The following CACNA2D3 variants were observed in gnomAD, a reference collection of about 807,000 sequenced individuals.
The protein encoded by CACNA2D3 is calcium voltage-gated channel auxiliary subunit alpha2delta 3.
In CACNA2D3, 60 loss-of-function variants were observed where a neutral mutation model predicts 160.6. The ratio of observed to expected loss-of-function variants is 0.37; its 90% CI spans 0.30 to 0.46. The LOEUF (loss-of-function observed/expected upper bound fraction) is 0.46, where lower values mean the gene tolerates loss of function less well. Among genes scored for constraint, CACNA2D3 ranks in the 20% least tolerant of loss-of-function variants. The probability of loss-of-function intolerance (pLI) is 1.00; values close to 1 mark genes in which losing one functional copy is unlikely to be tolerated. For missense variants in CACNA2D3, 1,205 were observed against 1,365.0 expected (o/e 0.88, Z 1.85); for synonymous variants, 558 against 492.9 (o/e 1.13, Z -1.75).
intron 4 of CACNA2D3, among the ~76,000 whole-genome samples, chr3:54,391,937 T>A (rs1333559747): frequency 6.6e-6 from 1 of 152,176 alleles, no homozygotes; most frequent in Non-Finnish European, 1.5e-5. Flanking sequence ...GATATCTTCA[T>A]TGGGTCAATT....
chr3:54,769,173 C>G (rs1371276175), intron 13 of CACNA2D3, among the ~76,000 whole-genome samples: 1 of 152,072 alleles, frequency 6.6e-6, no homozygotes, highest in Non-Finnish European at 1.5e-5. Flanking sequence ...TCTGCAGAGT[C>G]TAAATTCTGA....
chr3:54,567,691 A>C (rs894957108), intron 6 of CACNA2D3, among the ~76,000 whole-genome samples: 1 of 152,126 alleles, frequency 6.6e-6, no homozygotes, highest in African/African-American at 2.4e-5. Flanking sequence ...GCCTGCCACC[A>C]CACCTGGCTA....
intron 11 of CACNA2D3, among the ~76,000 whole-genome samples, chr3:54,660,152 T>C (rs1428801576): frequency 3.3e-5 from 5 of 151,620 alleles, no homozygotes; most frequent in Non-Finnish European, 4.4e-5. Context: ...TCTTTTTTTT[T>C]TTTTCTTTTT....
chr3:54,453,308 G>A (rs773709457), intron 4 of CACNA2D3, among the ~76,000 whole-genome samples: 2 of 152,094 alleles, frequency 1.3e-5, no homozygotes, highest in African/African-American at 2.4e-5. Context: ...TTCTTATAAG[G>A]ACAGCGGTTA....
intron 5 of CACNA2D3, among the ~76,000 whole-genome samples, chr3:54,561,999 T>C (rs1194340513): frequency 6.6e-6 from 1 of 152,170 alleles, no homozygotes; most frequent in Non-Finnish European, 1.5e-5. Flanking sequence ...GTGAGACTTA[T>C]TCGCTATCAT....
Position 54,555,175 on chromosome 3 carries a change from C to T in CACNA2D3, c.545-7625C>T, listed in dbSNP as rs144234422. 5.3e-5 allele frequency among the ~76,000 whole-genome samples: 8 copies of T among 152,238 alleles called. No individual in the cohort carries two copies. In the East Asian group the frequency reaches 1.5e-3, roughly 29 times the overall value. On this transcript the variant is annotated intron_variant, in intron 5 of 37. Transcript: ENST00000474759. ...ACAGGTGTGAGCCAGTGTGCCCAGC[C>T]AAGACCTTATTTATTTATTTTCTAA...
intron 4 of CACNA2D3, among the ~76,000 whole-genome samples, chr3:54,501,275 C>G (rs1340418830): frequency 1.3e-5 from 2 of 152,126 alleles, no homozygotes; most frequent in Non-Finnish European, 2.9e-5. Context: ...TATAACACTG[C>G]TATTATTCAT....
chr3:54,661,493 C>G (rs945026578), intron 11 of CACNA2D3, among the ~76,000 whole-genome samples: 5 of 152,122 alleles, frequency 3.3e-5, no homozygotes, highest in African/African-American at 1.2e-4. Flanking sequence ...ATTACCTTAA[C>G]CCTCCTAAAG....
At position 54,604,853 on chromosome 3, in the gene CACNA2D3, C is replaced by G. The variant is rs544311091; in HGVS notation, c.964-22934C>G. 3.9e-5 allele frequency among the ~76,000 whole-genome samples: 6 copies of G among 152,302 alleles called. No homozygotes were observed. The South Asian group carries it at 1.2e-3, about 32-fold the overall frequency. On this transcript the variant is annotated intron_variant, in intron 9 of 37. Transcript: ENST00000474759. ...CATCAGATCACATCCCTTCTGTAGT[C>G]AACATCTCATGAAGGCCGTACTGCT...
At chr3:54,886,911 T>C (rs1699938886) in intron 23 of CACNA2D3, among the ~76,000 whole-genome samples, 1 of 151,020 alleles carries the variant, frequency 6.6e-6, no homozygotes, top group South Asian at 2.1e-4. Flanking sequence ...AAGTTATTTC[T>C]AGCTTTCGCT....
intron 16 of CACNA2D3, among the ~76,000 whole-genome samples, chr3:54,838,990 A>C (rs577071164): frequency 4.9e-4 from 75 of 152,122 alleles, no homozygotes; most frequent in Middle Eastern, 3.4e-3. Context: ...GGGCGTGGAG[A>C]CTCACGCCTG....
At chr3:54,643,734 C>A (rs1699574988) in intron 11 of CACNA2D3, among the ~76,000 whole-genome samples, 1 of 152,210 alleles carries the variant, frequency 6.6e-6, no homozygotes, top group Admixed American at 6.5e-5. Flanking sequence ...GACACAGTTG[C>A]ACCTCTGTAG....
At chr3:54,986,441 G>C (rs925191437) in intron 30 of CACNA2D3, among the ~76,000 whole-genome samples, 2 of 152,126 alleles carry the variant, frequency 1.3e-5, no homozygotes, top group Non-Finnish European at 2.9e-5. Context: ...AAATACAAAT[G>C]TCCTTCTTGC....
chr3:54,305,567 A>G (rs777427302), intron 2 of CACNA2D3, among the ~76,000 whole-genome samples: 7 of 152,258 alleles, frequency 4.6e-5, no homozygotes, highest in Non-Finnish European at 8.8e-5. Flanking sequence ...ATCAGACAGT[A>G]CACAGGATGA....
At chr3:54,698,274 G>A (rs1280131686) in intron 11 of CACNA2D3, among the ~76,000 whole-genome samples, 1 of 152,152 alleles carries the variant, frequency 6.6e-6, no homozygotes, top group African/African-American at 2.4e-5. Flanking sequence ...ATCAGGGACT[G>A]GGGGATGGTT....
intron 28 of CACNA2D3, among the ~76,000 whole-genome samples, chr3:54,969,463 G>T (rs536561901): frequency 3.9e-4 from 60 of 152,108 alleles, no homozygotes; most frequent in African/African-American, 1.4e-3. Flanking sequence ...ATTTCGCCAT[G>T]TGGCCAGGCT....
intron 4 of CACNA2D3, among the ~76,000 whole-genome samples, chr3:54,458,465 T>TCC (rs1553681254): frequency 2.0e-5 from 3 of 150,282 alleles, no homozygotes; most frequent in African/African-American, 7.3e-5. Flanking sequence ...TTTTTTTTTT[T>TCC]CCCTTTTACT....
chr3:54,734,381 C>T (rs1456139844), intron 11 of CACNA2D3, among the ~76,000 whole-genome samples: 1 of 152,182 alleles, frequency 6.6e-6, no homozygotes, highest in Non-Finnish European at 1.5e-5. Flanking sequence ...AGAGCATCTT[C>T]GCAGTGAAGT....
chr3:54,676,705 G>C (rs539264016), intron 11 of CACNA2D3, among the ~76,000 whole-genome samples: 1 of 152,320 alleles, frequency 6.6e-6, no homozygotes, highest in Non-Finnish European at 1.5e-5. Flanking sequence ...AGTTCGATTA[G>C]TTGGGGAAGG....
Sources: gnomAD v4.1 joint callset for allele counts (sites outside exome capture counted in the v4.1 genomes callset) on GRCh38, gnomAD v4.1.1 for gene constraint, MANE v1.5 for transcripts, NCBI Gene and HGNC (gene_info 2026-07-23, HGNC 2026-07-21) for gene names.